The following CSMD1 variants were observed in gnomAD, a reference collection of about 807,000 sequenced individuals.
CSMD1 encodes CUB and Sushi multiple domains 1.
CSMD1 carries 213 observed loss-of-function variants against 417.5 expected under a neutral mutation model. That is an observed-to-expected ratio of 0.51 (90% CI 0.46 to 0.57). The LOEUF (loss-of-function observed/expected upper bound fraction) is 0.57. Among genes scored for constraint, CSMD1 ranks in the 20% least tolerant of loss-of-function variants. The pLI, the probability that CSMD1 is intolerant of heterozygous loss-of-function variation, is 0.00. For synonymous variants in CSMD1, 2,862 were observed against 1,736.8 expected, an observed-to-expected ratio of 1.65 and a Z score of -16.11; for missense variants, 6,923 against 4,529.7, an observed-to-expected ratio of 1.53 and a Z score of -15.17.
intron 30 of CSMD1, among the ~76,000 whole-genome samples, chr8:3,210,421 C>CTA (rs141200377): frequency 2.4e-4 from 17 of 69,418 alleles, no homozygotes; most frequent in African/African-American, 8.4e-4. Flanking sequence ...TATATATGAC[C>CTA]TATATATATA....
intron 6 of CSMD1, among the ~76,000 whole-genome samples, chr8:3,726,017 T>A (rs1477394578): frequency 1.3e-5 from 2 of 152,196 alleles, no homozygotes; most frequent in African/African-American, 4.8e-5. Flanking sequence ...AAGTTCCTGC[T>A]GGCTCTTTCT....
chr8:3,898,077 A>C lies in CSMD1; in HGVS notation c.818+99826T>G, dbSNP rs149646522. Among the ~76,000 whole-genome samples the C allele has an allele frequency of 4.7e-4, 72 of 152,300 alleles. No individual in the cohort carries two copies. The East Asian group carries it at 0.014, about 29-fold the overall frequency. ...GTACTTACAAACAAGGTATGGAGGG[A>C]AATATATTACAATCGCCCTGACACC... On this transcript the variant is annotated intron_variant, in intron 5 of 69. Transcript: ENST00000635120.
Position 3,240,806 on chromosome 8 carries a change from G to A in CSMD1, c.4154-10575C>T, listed in dbSNP as rs187081165. 2.1e-3 allele frequency among the ~76,000 whole-genome samples: 322 copies of A among 152,286 alleles called. 2 individuals are homozygous for A. Among genetic ancestry groups the A allele is most frequent in the Middle Eastern group, 0.01 (3 of 294 alleles). On this transcript the variant is annotated intron_variant, in intron 26 of 69. Transcript: ENST00000635120. ...GGCAAAACAATCTGGTTGATAAGGC[G>A]CAGATCCTGAACTAACCTGTAAGGC... is the stretch of plus-strand genomic sequence containing the variant.
Position 3,641,133 on chromosome 8 carries a change from T to C in CSMD1, c.1010-24336A>G, listed in dbSNP as rs563384395. Among the ~76,000 whole-genome samples, 6 of 149,568 alleles carry C rather than the reference T, an allele frequency of 4.0e-5. No homozygotes were observed. The South Asian group carries it at 1.1e-3, about 27-fold the overall frequency. On this transcript the variant is annotated intron_variant, in intron 7 of 69. Transcript: ENST00000635120. ...AGACTGAAGTTATTGCAGAAGGTGC[T>C]CAGACAGACCGGTTCTCTGAATCTG...
chr8:4,686,030 T>C (rs777647274), intron 1 of CSMD1, among the ~76,000 whole-genome samples: 6 of 152,220 alleles, frequency 3.9e-5, no homozygotes, highest in Non-Finnish European at 5.9e-5. Flanking sequence ...ACAGTTGTTT[T>C]ATGAAGGGAG....
intron 3 of CSMD1, among the ~76,000 whole-genome samples, chr8:4,048,315 G>C (rs74608898): frequency 0.037 from 5,622 of 152,172 alleles, 380 homozygotes; most frequent in African/African-American, 0.13. Flanking sequence ...ACACAAAGAG[G>C]GGAGTCTTTC....
At chr8:4,318,065 CGTAA>C (rs1179686860) in intron 3 of CSMD1, among the ~76,000 whole-genome samples, 4 of 152,136 alleles carry the variant, frequency 2.6e-5, no homozygotes, top group African/African-American at 7.2e-5. Flanking sequence ...TTTTTTCTCA[CGTAA>C]GTGTGACATT....
chr8:3,868,064 T>C (rs1057357215), intron 5 of CSMD1, among the ~76,000 whole-genome samples: 3 of 152,112 alleles, frequency 2.0e-5, no homozygotes, highest in Non-Finnish European at 2.9e-5. Flanking sequence ...CTATCACCCA[T>C]TGCCATATCT....
intron 3 of CSMD1, among the ~76,000 whole-genome samples, chr8:4,139,466 C>G (rs1438654909): frequency 6.9e-6 from 1 of 144,374 alleles, no homozygotes. Flanking sequence ...GAGGCGTGGA[C>G]AGTCCAGTGA....
At chr8:3,393,880 C>G (rs902335049) in intron 17 of CSMD1, among the ~76,000 whole-genome samples, 2 of 150,310 alleles carry the variant, frequency 1.3e-5, no homozygotes, top group East Asian at 3.9e-4. Context: ...AGGAGATATA[C>G]CTAATGTAAA....
At chr8:3,307,229 C>G (rs959523787) in intron 25 of CSMD1, among the ~76,000 whole-genome samples, 3 of 151,994 alleles carry the variant, frequency 2.0e-5, no homozygotes, top group Non-Finnish European at 2.9e-5. Flanking sequence ...TTGTTCATCC[C>G]TTGCTGCTAC....
At chr8:3,356,934 T>C (rs1291796075) in intron 21 of CSMD1, among the ~76,000 whole-genome samples, 1 of 151,786 alleles carries the variant, frequency 6.6e-6, no homozygotes, top group Non-Finnish European at 1.5e-5. Context: ...GGCAAATCGA[T>C]GGGGTTTTCA....
intron 1 of CSMD1, among the ~76,000 whole-genome samples, chr8:4,838,657 G>A (rs376009440): frequency 1.3e-5 from 2 of 152,330 alleles, no homozygotes; most frequent in Admixed American, 1.3e-4. Context: ...TGCAGACGCG[G>A]AGGTGGGATG....
At chr8:4,368,055 T>C (rs570621528) in intron 3 of CSMD1, among the ~76,000 whole-genome samples, 1 of 152,164 alleles carries the variant, frequency 6.6e-6, no homozygotes, top group Non-Finnish European at 1.5e-5. Flanking sequence ...CTATGTTGAA[T>C]AGTGGTCAAA....
intron 1 of CSMD1, among the ~76,000 whole-genome samples, chr8:4,860,416 A>C (rs1802061060): frequency 6.6e-6 from 1 of 151,912 alleles, no homozygotes; most frequent in Non-Finnish European, 1.5e-5. Flanking sequence ...TATATAAAAA[A>C]AAAAAAAGTG....
chr8:4,412,671 A>T (rs1035803804), intron 3 of CSMD1, among the ~76,000 whole-genome samples: 2 of 152,224 alleles, frequency 1.3e-5, no homozygotes, highest in African/African-American at 4.8e-5. Flanking sequence ...TAAGATTTTC[A>T]GGGTTAAATG....
At chr8:3,750,632 G>A (rs997529321) in intron 6 of CSMD1, among the ~76,000 whole-genome samples, 5 of 152,078 alleles carry the variant, frequency 3.3e-5, no homozygotes, top group Admixed American at 6.6e-5. Context: ...TAGACAAGAG[G>A]GAAGATTCAG....
At chr8:3,979,581 A>C (rs976482415) in intron 5 of CSMD1, among the ~76,000 whole-genome samples, 2 of 152,210 alleles carry the variant, frequency 1.3e-5, no homozygotes, top group Non-Finnish European at 2.9e-5. Context: ...GGAAGATGGG[A>C]TCATGAGGAT....
chr8:3,302,488 C>G (rs1281953767), intron 25 of CSMD1, among the ~76,000 whole-genome samples: 2 of 152,148 alleles, frequency 1.3e-5, no homozygotes, highest in Non-Finnish European at 1.5e-5. Context: ...TTTCACTTCC[C>G]ATGATATCAC....
Sources: gnomAD v4.1 joint callset for allele counts (sites outside exome capture counted in the v4.1 genomes callset) on GRCh38, gnomAD v4.1.1 for gene constraint, MANE v1.5 for transcripts, NCBI Gene and HGNC (gene_info 2026-07-23, HGNC 2026-07-21) for gene names.